The following ZNF19 variants were observed in gnomAD, a reference collection of about 807,000 sequenced individuals.
The protein encoded by ZNF19 is zinc finger protein 19, also known as zinc finger protein 19 (KOX 12).
ZNF19 carries 11 observed loss-of-function variants against 13.1 expected under a neutral mutation model. The observed-to-expected ratio is 0.84, with a 90% confidence interval of 0.53 to 1.39. The LOEUF is 1.39. ZNF19 is among the 40% of genes most tolerant of loss of function. ZNF19 has a pLI of 0.00. For missense variants in ZNF19, 560 were observed against 547.0 expected (o/e 1.02, Z -0.24); for synonymous variants, 186 against 187.0 (o/e 0.99, Z 0.04).
chr16:71,487,993 T>C (rs1478004360), intron 1 of ZNF19, among the ~76,000 whole-genome samples: 1 of 152,166 alleles, frequency 6.6e-6, no homozygotes, highest in African/African-American at 2.4e-5. Context: ...ACATGGCAGG[T>C]ATGTCTGCTC....
At chr16:71,483,959 A>C (rs2043655637) in intron 2 of ZNF19, among the ~76,000 whole-genome samples, 1 of 152,254 alleles carries the variant, frequency 6.6e-6, no homozygotes, top group Non-Finnish European at 1.5e-5. Context: ...TAAGGTATGA[A>C]GGAAATCTTT....
At chr16:71,480,032 ATCCGTCTGCC>A (rs1225463722) in intron 3 of ZNF19, among the ~76,000 whole-genome samples, 1 of 152,022 alleles carries the variant, frequency 6.6e-6, no homozygotes, top group Non-Finnish European at 1.5e-5. Context: ...GACTCAAGAG[ATCCGTCTGCC>A]TCGGCCTCCC....
chr16:71,485,554 CA>C (rs1302680906), intron 1 of ZNF19, among the ~76,000 whole-genome samples: 3 of 146,728 alleles, frequency 2.0e-5, no homozygotes, highest in African/African-American at 7.9e-5. Context: ...AAACGGTGGA[CA>C]TTTTTTTTTT....
intron 2 of ZNF19, 90 bp from the exon 3 acceptor site, chr16:71,482,233 TTCAC>T: frequency 5.0e-6 from 6 of 1,203,134 alleles, no homozygotes; most frequent in South Asian, 1.3e-5. Flanking sequence ...GCAAGCAGCA[TTCAC>T]TTACTAAATG....
chr16:71,477,961 CT>C, intron 5 of ZNF19: 2 of 375,206 alleles, frequency 5.3e-6, no homozygotes, highest in Admixed American at 8.5e-5. Flanking sequence ...TCAAAAACTG[CT>C]CCTGAATAAA....
At position 71,478,278 on chromosome 16, in the gene ZNF19, A is replaced by G. The variant is rs1322914327; in HGVS notation, c.224T>C (p.Leu75Pro). The change falls in exon 5 of 6, where the codon CTG becomes CCG. Residue 75 changes from leucine to proline, a missense_variant. Coordinates refer to ENST00000288177, the MANE Select transcript of ZNF19 (RefSeq NM_006961.4). ...TGCTGGGGGATCATCCTGTGCTTCC[A>G]GGCCCCAAGCCATGTCCCCTCTCTC... ...LLERGDMAWG[L>P]EAQDDPPAER... 6.2e-7 allele frequency: 1 copy of G among 1,614,092 alleles called. No individual in the cohort carries two copies. Among genetic ancestry groups the G allele is most frequent in the Non-Finnish European group, 8.5e-7 (1 of 1,180,008 alleles).
rs2043612960 is a variant in ZNF19, at chr16:71,477,995, A to G, written c.274+233T>C. 10 of 478,830 alleles carry G rather than the reference A, an allele frequency of 2.1e-5. No individual in the cohort carries two copies. The East Asian group carries it at 3.7e-4, about 18-fold the overall frequency. The allele number at this position is 478,830 out of a possible 1,614,324, so 29.7% of individuals were successfully genotyped here. A position where few individuals can be genotyped will look rare whatever the true frequency, so the allele number is the denominator to read the frequency against. ...AAATCCATCCCAACCAAGGAGGACA[A>G]CTAAGGTAGGCAATGTTGAAACTCA... is the stretch of plus-strand genomic sequence containing the variant. On this transcript the variant is annotated intron_variant, in intron 5 of 5. Coordinates refer to ENST00000288177, the MANE Select transcript of ZNF19 (RefSeq NM_006961.4).
Position 71,474,653 on chromosome 16 carries a change from G to C in ZNF19, c.*517C>G, listed in dbSNP as rs921186168. On this transcript the variant is annotated 3_prime_UTR_variant, in exon 6 of 6. Transcript: ENST00000288177. Reference sequence around the variant, plus strand: ...ATACACACAAAACATTTCTCCATCAGGTATGTTATCCCTGAAAACTTCAAA... The same window carrying C: ...ATACACACAAAACATTTCTCCATCACGTATGTTATCCCTGAAAACTTCAAA... 1 of 157,524 alleles carries C rather than the reference G, an allele frequency of 6.3e-6. No individual in the cohort carries two copies. Among genetic ancestry groups the C allele is most frequent in the Admixed American group, 6.1e-5 (1 of 16,376 alleles). 9.8% of individuals were successfully genotyped at this position (157,524 alleles called of 1,614,324 possible).
At chr16:71,484,830 C>T (rs1017414443) in intron 1 of ZNF19, 82 bp from the exon 2 acceptor site, 3 of 670,408 alleles carry the variant, frequency 4.5e-6, no homozygotes, top group Non-Finnish European at 5.5e-6. Flanking sequence ...TGGCAACAAA[C>T]TACTGTAGTA....
intron 1 of ZNF19, among the ~76,000 whole-genome samples, chr16:71,488,253 A>G (rs988659737): frequency 1.3e-5 from 2 of 151,670 alleles, no homozygotes; most frequent in Non-Finnish European, 2.9e-5. Context: ...CCAGCTACTC[A>G]GGAGGCTGAG....
At chr16:71,479,429 C>T (rs563320286) in intron 3 of ZNF19, among the ~76,000 whole-genome samples, 1 of 152,184 alleles carries the variant, frequency 6.6e-6, no homozygotes, top group African/African-American at 2.4e-5. Flanking sequence ...CTCAGCCAAT[C>T]TATCTGTTCC....
intron 3 of ZNF19, among the ~76,000 whole-genome samples, chr16:71,479,774 C>A (rs1361043739): frequency 6.6e-6 from 1 of 151,570 alleles, no homozygotes; most frequent in Non-Finnish European, 1.5e-5. Context: ...TTCTTTCTTT[C>A]TTTCGGTTTT....
At chr16:71,488,568 A>G (rs1335904488) in intron 1 of ZNF19, among the ~76,000 whole-genome samples, 4 of 152,082 alleles carry the variant, frequency 2.6e-5, no homozygotes, top group Admixed American at 6.6e-5. Context: ...GGAGGCCGAG[A>G]CAGGCGGATC....
chr16:71,488,877 T>G (rs2043700388), intron 1 of ZNF19: 1 of 152,234 alleles, frequency 6.6e-6, no homozygotes, highest in African/African-American at 2.4e-5. Context: ...GGTCTCCAAA[T>G]CTGCCTCTTC....
At position 71,480,462 on chromosome 16, in the gene ZNF19, G is replaced by A. The variant is rs542576389; in HGVS notation, c.34-1457C>T. On this transcript the variant is annotated intron_variant, in intron 3 of 5. Coordinates refer to ENST00000288177, the MANE Select transcript of ZNF19 (RefSeq NM_006961.4). ...CACCAATTTCAACCCAGTCTCTAAT[G>A]CTAGAACTTCAGATTAATCCTAGAC... Among the ~76,000 whole-genome samples the A allele has an allele frequency of 4.6e-5, 7 of 152,270 alleles. No homozygotes were observed. The South Asian group carries it at 1.5e-3, about 32-fold the overall frequency.
intron 1 of ZNF19, among the ~76,000 whole-genome samples, chr16:71,484,979 C>G (rs1335946732): frequency 6.6e-6 from 1 of 152,154 alleles, no homozygotes; most frequent in Non-Finnish European, 1.5e-5. Context: ...CACCTCAAGT[C>G]TTGTCATTAC....
intron 1 of ZNF19, among the ~76,000 whole-genome samples, chr16:71,487,564 C>G (rs1484455145): frequency 6.6e-6 from 1 of 152,186 alleles, no homozygotes; most frequent in African/African-American, 2.4e-5. Context: ...CAAGCTTTGA[C>G]CATTCCTTAG....
chr16:71,480,032 A>G (rs1434872142), intron 3 of ZNF19, among the ~76,000 whole-genome samples: 1 of 152,022 alleles, frequency 6.6e-6, no homozygotes, highest in Non-Finnish European at 1.5e-5. Flanking sequence ...GACTCAAGAG[A>G]TCCGTCTGCC....
chr16:71,475,280 C>G lies in ZNF19; in HGVS notation c.1267G>C (p.Gly423Arg). The change falls in exon 6 of 6, where the codon GGG becomes CGG. Residue 423 changes from glycine to arginine, a missense_variant. Gly to Arg is a moderately radical substitution (Grantham distance 125). Coordinates refer to ENST00000288177, the MANE Select transcript of ZNF19 (RefSeq NM_006961.4). The stretch of plus-strand genomic sequence containing the variant: ...AGGTGACCTAGCTGGGAAGAAGTCC[C>G]AAAGGCCTTCTCATACTTGCTACAC... ...YECSKYEKAF[G>R]TSSQLGHLEH... 6.2e-7 allele frequency: 1 copy of G among 1,614,198 alleles called. No homozygotes were observed. Among genetic ancestry groups the G allele is most frequent in the Non-Finnish European group, 8.5e-7 (1 of 1,180,032 alleles).
Sources: allele counts gnomAD v4.1 joint callset (sites outside exome capture counted in the v4.1 genomes callset), GRCh38; gene constraint gnomAD v4.1.1; transcripts MANE v1.5; gene names NCBI Gene and HGNC (gene_info 2026-07-23, HGNC 2026-07-21).